EIF4E2: variants seen among roughly 807,000 people sequenced by gnomAD.
EIF4E2 encodes eukaryotic translation initiation factor 4E family member 2, also known as eukaryotic translation initiation factor 4E type 2.
In EIF4E2, 13 loss-of-function variants were observed where a neutral mutation model predicts 34.2. That is an observed-to-expected ratio of 0.38 (90% CI 0.25 to 0.60). The LOEUF is 0.60. Ranked by LOEUF, EIF4E2 falls within the 20% of genes least tolerant of loss-of-function variation. The probability of loss-of-function intolerance (pLI) is 0.62; values close to 1 mark genes in which losing one functional copy is unlikely to be tolerated. For synonymous variants in EIF4E2, 100 were observed against 106.6 expected (o/e 0.94, Z 0.38); for missense variants, 222 against 315.1 (o/e 0.70, Z 2.24).
intron 6 of EIF4E2, chr2:232,574,305 C>G (rs1420452943): frequency 1.3e-6 from 2 of 1,550,590 alleles, no homozygotes; most frequent in Non-Finnish European, 1.7e-6. Flanking sequence ...GCAGCGGCCG[C>G]TGATCGGACG....
chr2:232,580,343 A>G (rs1257857199), intron 6 of EIF4E2, among the ~76,000 whole-genome samples: 4 of 152,088 alleles, frequency 2.6e-5, no homozygotes, highest in African/African-American at 9.7e-5. Flanking sequence ...ATAAAAAGAA[A>G]GGGGGGGAGA....
downstream of EIF4E2, among the ~76,000 whole-genome samples, chr2:232,572,953 G>A (rs1693128041): frequency 6.6e-6 from 1 of 152,182 alleles, no homozygotes; most frequent in Admixed American, 6.5e-5. Flanking sequence ...TTACAGTGAG[G>A]GGTTTCCCTG....
chr2:232,567,296 C>A, intron 6 of EIF4E2, 82 bp downstream of exon 6: 1 of 1,581,288 alleles, frequency 6.3e-7, no homozygotes, highest in South Asian at 1.2e-5. Flanking sequence ...GGAATATGGC[C>A]GGACAGGAGA....
chr2:232,583,488 C>A (rs1260063392), exon 7 of EIF4E2: 2 of 151,624 alleles, frequency 1.3e-5, no homozygotes, highest in African/African-American at 2.4e-5. Flanking sequence ...CAATAATTTT[C>A]CACCCAGAGA....
At chr2:232,579,905 C>A (rs1693304836) in intron 6 of EIF4E2, among the ~76,000 whole-genome samples, 1 of 152,126 alleles carries the variant, frequency 6.6e-6, no homozygotes, top group African/African-American at 2.4e-5. Flanking sequence ...TGGGCAAGGG[C>A]AGCAGCCTTA....
Position 232,581,465 on chromosome 2 carries a change from C to G in EIF4E2, c.*522C>G. 5 of 293,296 alleles carry G rather than the reference C, an allele frequency of 1.7e-5. No individual in the cohort carries two copies. The highest frequency in any genetic ancestry group is 3.3e-5 in the Non-Finnish European group (5 of 151,738). The allele number at this position is 293,296 out of a possible 1,614,324, so 18.2% of individuals were successfully genotyped here. On this transcript the variant is annotated 3_prime_UTR_variant, in exon 7 of 7. Transcript: ENST00000409098. The surrounding 1 kb of genome is among the most constrained non-coding windows in gnomAD (Gnocchi z 5.2). ...TCCCCTCCTCCAAGCCCACCACTTT[C>G]TGAAGCTGTGTTACTGATGTGATGA... is the stretch of plus-strand genomic sequence containing the variant.
Position 232,569,073 on chromosome 2 carries a change from G to A in EIF4E2, c.*56G>A. The A allele has an allele frequency of 1.9e-6, 3 of 1,600,712 alleles. No homozygotes were observed. Among genetic ancestry groups the A allele is most frequent in the Non-Finnish European group, 2.6e-6 (3 of 1,173,220 alleles). ...GAAGCTGGCGTCATCGGAGTCTCTT[G>A]TTCTGTTGGCGTGCTACCTGGAAGA... On this transcript the variant is annotated 3_prime_UTR_variant, in exon 7 of 7. Coordinates refer to ENST00000258416, the MANE Select transcript of EIF4E2 (RefSeq NM_004846.4).
chr2:232,571,601 C>A (rs987806804), downstream of EIF4E2, among the ~76,000 whole-genome samples: 4 of 152,206 alleles, frequency 2.6e-5, no homozygotes, highest in Non-Finnish European at 5.9e-5. Context: ...CTGGGAAAGA[C>A]TGGCCCGGCT....
chr2:232,557,676 C>A, intron 2 of EIF4E2: 1 of 593,984 alleles, frequency 1.7e-6, no homozygotes, highest in South Asian at 2.2e-5. Context: ...GCCATAAGAA[C>A]ACAGGTAAAG....
intron 6 of EIF4E2, chr2:232,580,827 T>C: frequency 7.6e-7 from 1 of 1,316,614 alleles, no homozygotes; most frequent in Non-Finnish European, 1.0e-6. Context: ...TGAGTCAGCA[T>C]CCCCCTGTAT....
At chr2:232,574,187 T>A, downstream of EIF4E2, 2 of 1,406,098 alleles carry the variant, frequency 1.4e-6, no homozygotes, top group Non-Finnish European at 2.0e-6. Flanking sequence ...GGATGTGGGG[T>A]TATTGTGTCT....
chr2:232,577,928 C>G (rs1218828927), intron 6 of EIF4E2, among the ~76,000 whole-genome samples: 1 of 152,158 alleles, frequency 6.6e-6, no homozygotes, highest in Non-Finnish European at 1.5e-5. Context: ...TCGCCTGTGG[C>G]CTCTGCCCCT....
At chr2:232,571,752 C>G (rs1323158148), downstream of EIF4E2, among the ~76,000 whole-genome samples, 2 of 152,242 alleles carry the variant, frequency 1.3e-5, no homozygotes, top group African/African-American at 4.8e-5. Flanking sequence ...CCAACCCATT[C>G]CCTTCTCCTG....
At chr2:232,571,116 C>T (rs949248662), downstream of EIF4E2, among the ~76,000 whole-genome samples, 122 of 152,192 alleles carry the variant, frequency 8.0e-4, 3 homozygotes, top group African/African-American at 2.9e-3. Flanking sequence ...CAATGTCCTT[C>T]TTCAACCGTT....
chr2:232,566,966 G>T lies in EIF4E2; in HGVS notation c.513G>T (p.Val171=). ...MVGEEICGAV[V]SVRFQEDIIS... The stretch of plus-strand genomic sequence containing the variant: ...GGGAGGAGATCTGTGGGGCTGTGGT[G>T]TCTGTCCGCTTTCAGGTAAGCCACC... The change falls in exon 5 of 7, where the codon GTG becomes GTT. Residue 171 remains valine (V), a synonymous_variant. Transcript: ENST00000258416. The surrounding 1 kb of genome is among the most constrained non-coding windows in gnomAD (Gnocchi z 4.9). 2 of 1,596,780 alleles carry T rather than the reference G, an allele frequency of 1.3e-6. No homozygotes were observed. Among genetic ancestry groups the T allele is most frequent in the Non-Finnish European group, 1.7e-6 (2 of 1,171,122 alleles).
intron 6 of EIF4E2, chr2:232,567,501 A>G: frequency 8.0e-7 from 1 of 1,257,468 alleles, no homozygotes; most frequent in African/African-American, 1.5e-5. Flanking sequence ...TTCATATGCT[A>G]ACCACTATCT....
chr2:232,564,811 C>T (rs1354423192), intron 4 of EIF4E2, among the ~76,000 whole-genome samples: 2 of 152,156 alleles, frequency 1.3e-5, no homozygotes, highest in African/African-American at 2.4e-5. Context: ...CCTTGGAACC[C>T]GAGCCTCTAG....
chr2:232,551,072 C>A, intron 1 of EIF4E2: 3 of 624,242 alleles, frequency 4.8e-6, no homozygotes, highest in Middle Eastern at 7.7e-4. Context: ...GGGACCTCGG[C>A]GGTTTGGGTG....
At chr2:232,556,677 A>G (rs545134477) in intron 2 of EIF4E2, 147 bp downstream of exon 2, 39 of 630,008 alleles carry the variant, frequency 6.2e-5, no homozygotes, top group Admixed American at 1.1e-4. Context: ...ACATTGTGCA[A>G]TCATTGATGT....
Sources: gnomAD v4.1 joint callset for allele counts (sites outside exome capture counted in the v4.1 genomes callset) on GRCh38, gnomAD v4.1.1 for gene constraint, Gnocchi (gnomAD v3.1) non-coding constraint, MANE v1.5 for transcripts, NCBI Gene and HGNC (gene_info 2026-07-23, HGNC 2026-07-21) for gene names.